Variants in CDH12 observed in about 807,000 individuals in gnomAD.
CDH12 encodes the protein cadherin-12.
Under a neutral mutation model 74.1 loss-of-function variants are expected in CDH12, and 41 were observed. The observed-to-expected ratio is 0.55, with a 90% CI of 0.43 to 0.72. The LOEUF is 0.72. Among genes scored for constraint, CDH12 ranks in the 30% least tolerant of loss-of-function variants. CDH12 has a pLI of 0.00. For missense variants in CDH12, 945 were observed against 977.2 expected, an observed-to-expected ratio of 0.97 and a Z score of 0.44; for synonymous variants, 399 against 355.0, an observed-to-expected ratio of 1.12 and a Z score of -1.39.
chr5:22,655,762 C>T (rs1740001826), intron 1 of CDH12, among the ~76,000 whole-genome samples: 1 of 152,180 alleles, frequency 6.6e-6, no homozygotes, highest in Non-Finnish European at 1.5e-5. Context: ...GCATCTCTCA[C>T]CACAATTCCC....
intron 5 of CDH12, among the ~76,000 whole-genome samples, chr5:22,075,333 G>T (rs1742235928): frequency 9.3e-6 from 1 of 107,752 alleles, no homozygotes; most frequent in Non-Finnish European, 1.8e-5. Context: ...AGGGGGGAGG[G>T]ATAGCATTAG....
At chr5:22,216,433 A>C (rs1021475199) in intron 3 of CDH12, among the ~76,000 whole-genome samples, 1 of 151,968 alleles carries the variant, frequency 6.6e-6, no homozygotes, top group Non-Finnish European at 1.5e-5. Flanking sequence ...CTGTATACCA[A>C]TGTAGATTCA....
chr5:21,801,233 T>C (rs769816232), intron 10 of CDH12, among the ~76,000 whole-genome samples: 9 of 152,208 alleles, frequency 5.9e-5, no homozygotes, highest in African/African-American at 9.6e-5. Flanking sequence ...ACTTGTCACA[T>C]AGTGTAAAAT....
intron 5 of CDH12, among the ~76,000 whole-genome samples, chr5:22,064,378 T>G (rs1741411102): frequency 6.6e-6 from 1 of 152,178 alleles, no homozygotes; most frequent in South Asian, 2.1e-4. Flanking sequence ...TTCTGGAGTA[T>G]TTTGACTAAT....
At chr5:22,568,339 C>T (rs1366552469) in intron 1 of CDH12, among the ~76,000 whole-genome samples, 2 of 152,066 alleles carry the variant, frequency 1.3e-5, no homozygotes, top group Non-Finnish European at 2.9e-5. Context: ...AATAAATGAG[C>T]ATGTTGGGGT....
At chr5:22,293,285 G>A (rs1273310780) in intron 3 of CDH12, among the ~76,000 whole-genome samples, 1 of 152,106 alleles carries the variant, frequency 6.6e-6, no homozygotes, top group African/African-American at 2.4e-5. Flanking sequence ...ACCCTCCTTT[G>A]TTTGGTGTGC....
At chr5:21,964,026 T>C (rs1756474865) in intron 6 of CDH12, among the ~76,000 whole-genome samples, 1 of 152,060 alleles carries the variant, frequency 6.6e-6, no homozygotes. Context: ...GGAAAAATTA[T>C]AAGAAGAATG....
intron 3 of CDH12, among the ~76,000 whole-genome samples, chr5:22,335,631 C>A (rs1232744337): frequency 6.6e-6 from 1 of 151,880 alleles, no homozygotes; most frequent in African/African-American, 2.4e-5. Context: ...AGTTTCCCTG[C>A]ACAATCTCTT....
At chr5:22,797,183 T>TAAA (rs58951425) in intron 1 of CDH12, among the ~76,000 whole-genome samples, 169 of 85,868 alleles carry the variant, frequency 2.0e-3, no homozygotes, top group South Asian at 3.4e-3. Flanking sequence ...AGTGCCTTTA[T>TAAA]AAAAAAAAAA....
At chr5:22,723,905 C>T (rs1286571578) in intron 1 of CDH12, among the ~76,000 whole-genome samples, 1 of 151,956 alleles carries the variant, frequency 6.6e-6, no homozygotes, top group Non-Finnish European at 1.5e-5. Context: ...GTTATAATAA[C>T]ACACAAACAT....
At chr5:22,840,194 C>T (rs975615803) in intron 1 of CDH12, among the ~76,000 whole-genome samples, 5 of 152,142 alleles carry the variant, frequency 3.3e-5, no homozygotes, top group Admixed American at 1.3e-4. Flanking sequence ...GATCTTGGCG[C>T]GCTGCAACCT....
intron 6 of CDH12, among the ~76,000 whole-genome samples, chr5:21,954,161 C>T (rs1179311593): frequency 6.6e-6 from 1 of 151,870 alleles, no homozygotes; most frequent in Non-Finnish European, 1.5e-5. Context: ...TGACTATTTT[C>T]ATTGCTATAA....
At chr5:22,799,456 A>G (rs1183094921) in intron 1 of CDH12, among the ~76,000 whole-genome samples, 1 of 152,166 alleles carries the variant, frequency 6.6e-6, no homozygotes, top group African/African-American at 2.4e-5. Flanking sequence ...TCAGTATTTT[A>G]TTAAAAATGT....
chr5:22,737,363 C>A (rs1304054729), intron 1 of CDH12, among the ~76,000 whole-genome samples: 2 of 152,016 alleles, frequency 1.3e-5, no homozygotes, highest in South Asian at 2.1e-4. Context: ...AAAAAAACTT[C>A]TACTTTGGAG....
At chr5:22,641,334 C>T (rs1157026170) in intron 1 of CDH12, among the ~76,000 whole-genome samples, 1 of 151,996 alleles carries the variant, frequency 6.6e-6, no homozygotes, top group African/African-American at 2.4e-5. Context: ...TTCTGACATC[C>T]GAGGATGGAG....
chr5:22,383,768 A>G (rs894251197), intron 3 of CDH12, among the ~76,000 whole-genome samples: 4 of 152,124 alleles, frequency 2.6e-5, no homozygotes, highest in Admixed American at 6.5e-5. Context: ...TCACGTGAAC[A>G]TGATTGTTCA....
At chr5:21,761,744 T>TAGAC (rs757087739) in intron 12 of CDH12, among the ~76,000 whole-genome samples, 1 of 145,292 alleles carries the variant, frequency 6.9e-6, no homozygotes, top group Non-Finnish European at 1.5e-5. Context: ...TGGATAGATA[T>TAGAC]AGATAGATAG....
chr5:22,613,745 T>C (rs777348739), intron 1 of CDH12, among the ~76,000 whole-genome samples: 6 of 152,044 alleles, frequency 3.9e-5, no homozygotes, highest in Admixed American at 1.3e-4. Flanking sequence ...CTGAGTGATA[T>C]AGAGAAGCGA....
intron 1 of CDH12, among the ~76,000 whole-genome samples, chr5:22,690,200 T>C (rs1008982472): frequency 6.6e-6 from 1 of 152,148 alleles, no homozygotes; most frequent in African/African-American, 2.4e-5. Context: ...TTGTATACCA[T>C]GAAACATCTT....
Sources: allele counts gnomAD v4.1 joint callset (sites outside exome capture counted in the v4.1 genomes callset), GRCh38; gene constraint gnomAD v4.1.1; transcripts MANE v1.5; gene names NCBI Gene and HGNC (gene_info 2026-07-23, HGNC 2026-07-21).